Variants in PIEZO2 observed in about 807,000 individuals in gnomAD.
The protein encoded by PIEZO2 is piezo-type mechanosensitive ion channel component 2.
Under a neutral mutation model 337.3 loss-of-function variants are expected in PIEZO2, and 172 were observed. That is an observed-to-expected ratio of 0.51 (90% CI 0.45 to 0.58). The LOEUF (loss-of-function observed/expected upper bound fraction) is 0.58, where lower values mean the gene tolerates loss of function less well. Among genes scored for constraint, PIEZO2 ranks in the 20% least tolerant of loss-of-function variants. The pLI is 0.00. For synonymous variants in PIEZO2, 1,251 were observed against 1,228.5 expected (o/e 1.02, Z -0.38); for missense variants, 3,028 against 3,391.3 (o/e 0.89, Z 2.66).
Position 10,672,054 on chromosome 18 carries a change from T to C in PIEZO2, c.8346-275A>G, listed in dbSNP as rs965772488. 1.3e-4 allele frequency among the ~76,000 whole-genome samples: 20 copies of C among 152,220 alleles called. No homozygotes were observed. The highest frequency in any genetic ancestry group is 4.8e-4 in the African/African-American group (20 of 41,460). On this transcript the variant is annotated intron_variant, in intron 55 of 55. Transcript: ENST00000674853. The surrounding 1 kb of genome is among the most constrained non-coding windows in gnomAD (Gnocchi z 4.7). ...TCTGTAAATAATCAATGCTAACCGT[T>C]TCATGTATGAACTTTAGGTGGTTTT...
At chr18:10,896,596 G>A (rs1291805763) in intron 4 of PIEZO2, among the ~76,000 whole-genome samples, 3 of 152,198 alleles carry the variant, frequency 2.0e-5, no homozygotes, top group Admixed American at 2.0e-4. Flanking sequence ...TCAATAAACA[G>A]CATCTGGAAG....
In PIEZO2 at chr18:11,104,824, T is replaced by A. The variant is rs921107431; in HGVS notation, c.65-38602A>T. On this transcript the variant is annotated intron_variant, in intron 1 of 55. Transcript: ENST00000674853. The surrounding 1 kb of genome is among the most constrained non-coding windows in gnomAD (Gnocchi z 4.6). ...TCTTGGGGACCACTCTCCTCCATCA[T>A]GCTTGATATGGTCCAGGAGTGGTTG... 6.6e-6 allele frequency among the ~76,000 whole-genome samples: 1 copy of A among 152,122 alleles called. No homozygotes were observed. Among genetic ancestry groups the A allele is most frequent in the Non-Finnish European group, 1.5e-5 (1 of 68,024 alleles).
Position 10,856,665 on chromosome 18 carries a change from A to G in PIEZO2, c.703+336T>C, listed in dbSNP as rs113213644. On this transcript the variant is annotated intron_variant, in intron 6 of 55. Coordinates refer to ENST00000674853, the MANE Select transcript of PIEZO2 (RefSeq NM_001378183.1). The surrounding 1 kb of genome is among the most constrained non-coding windows in gnomAD (Gnocchi z 4.7). ...TATGGCTTGTGATGGGTGCATGCAC[A>G]TTGTTAATTGCAGCAGGTCACCATT... Among the ~76,000 whole-genome samples the G allele has an allele frequency of 4.0e-4, 61 of 152,302 alleles. 1 individual carries two copies. Among genetic ancestry groups the G allele is most frequent in the African/African-American group, 1.5e-3 (61 of 41,572 alleles).
At chr18:10,814,178 C>A (rs1017056938) in intron 7 of PIEZO2, among the ~76,000 whole-genome samples, 1 of 151,958 alleles carries the variant, frequency 6.6e-6, no homozygotes, top group Non-Finnish European at 1.5e-5. Flanking sequence ...ACTGTGTTAG[C>A]CAGGATGGTC....
At chr18:10,896,521 C>G (rs946725909) in intron 4 of PIEZO2, among the ~76,000 whole-genome samples, 4 of 152,198 alleles carry the variant, frequency 2.6e-5, no homozygotes, top group Non-Finnish European at 5.9e-5. Flanking sequence ...GAGAAGTTTT[C>G]AAACCCAAAC....
rs1413319242 is a variant in PIEZO2, at chr18:10,894,215, G to C, written c.329+16971C>G. On this transcript the variant is annotated intron_variant, in intron 4 of 55. Coordinates refer to ENST00000674853, the MANE Select transcript of PIEZO2 (RefSeq NM_001378183.1). The surrounding 1 kb of genome is among the most constrained non-coding windows in gnomAD (Gnocchi z 4.1). ...CACCTGTAATCCCAGCACTCTGGAA[G>C]GCCGATGGGGGCGGATCACCTGAGG... 6.6e-6 allele frequency among the ~76,000 whole-genome samples: 1 copy of C among 152,134 alleles called. No homozygotes were observed. Among genetic ancestry groups the C allele is most frequent in the Non-Finnish European group, 1.5e-5 (1 of 68,026 alleles).
At chr18:11,093,217 G>A (rs2039150806) in intron 1 of PIEZO2, among the ~76,000 whole-genome samples, 1 of 152,120 alleles carries the variant, frequency 6.6e-6, no homozygotes, top group African/African-American at 2.4e-5. Context: ...CCTGGGTAAA[G>A]CGGAGCCAGC....
At position 11,125,588 on chromosome 18, in the gene PIEZO2, C is replaced by G. The variant is rs1184178370; in HGVS notation, c.64+22937G>C. 6.6e-6 allele frequency among the ~76,000 whole-genome samples: 1 copy of G among 152,104 alleles called. No individual in the cohort carries two copies. The highest frequency in any genetic ancestry group is 6.5e-5 in the Admixed American group (1 of 15,274). ...ACACTCCATTCCAAATAAAGATTAC[C>G]CTGCAGAGAAGAGCATCCTGGTTTT... On this transcript the variant is annotated intron_variant, in intron 1 of 55. Transcript: ENST00000674853. This position sits in a 1 kb window ranked among gnomAD's most constrained non-coding sequence, Gnocchi z 4.4.
At chr18:11,106,880 G>C (rs2039584727) in intron 1 of PIEZO2, among the ~76,000 whole-genome samples, 1 of 152,204 alleles carries the variant, frequency 6.6e-6, no homozygotes, top group Admixed American at 6.5e-5. Context: ...CACTGCTCTG[G>C]AGCTTGCCAC....
chr18:10,705,503 G>A lies in PIEZO2; in HGVS notation c.5832C>T (p.Tyr1944=), dbSNP rs2035542325. ...GATGCTCGAAGCTCACAGCCTTGCT[G>A]TAGGAGGGTGGGGCCTCCACATCCC... ...LDGDVEAPPS[Y]SKAVSFEHLS... is the part of the protein sequence containing the mutation. The change falls in exon 41 of 56, where the codon TAC becomes TAT. Residue 1944 remains tyrosine (Y), a synonymous_variant. Transcript: ENST00000674853. 6.5e-7 allele frequency: 1 copy of A among 1,537,246 alleles called. No individual in the cohort carries two copies.
rs999326894 is a variant in PIEZO2 at position 11,127,117 on chromosome 18, T to C, written c.64+21408A>G. Among the ~76,000 whole-genome samples the C allele has an allele frequency of 6.6e-6, 1 of 151,962 alleles. No individual in the cohort carries two copies. Among genetic ancestry groups the C allele is most frequent in the African/African-American group, 2.4e-5 (1 of 41,336 alleles). On this transcript the variant is annotated intron_variant, in intron 1 of 55. Transcript: ENST00000674853. The surrounding 1 kb of genome is among the most constrained non-coding windows in gnomAD (Gnocchi z 4.5). ...AACCAAACTCACTAACATGAAAGAA[T>C]TGAGACAGAGTAAGTCCTGTGGAGA...
intron 1 of PIEZO2, among the ~76,000 whole-genome samples, chr18:11,147,229 C>T (rs1409130470): frequency 1.3e-5 from 2 of 152,144 alleles, no homozygotes; most frequent in East Asian, 3.9e-4. Context: ...AAAATGGAAA[C>T]TCAAACTGCA....
chr18:11,043,150 G>T (rs1458720327), intron 2 of PIEZO2, among the ~76,000 whole-genome samples: 2 of 151,954 alleles, frequency 1.3e-5, no homozygotes, highest in Non-Finnish European at 2.9e-5. Context: ...TTAAATTGAA[G>T]ACTGGAGTCT....
intron 2 of PIEZO2, among the ~76,000 whole-genome samples, chr18:10,995,810 T>C (rs1435589762): frequency 1.3e-5 from 2 of 152,142 alleles, no homozygotes; most frequent in East Asian, 3.9e-4. Context: ...GCTGATTCTC[T>C]GCTTGCCCTG....
rs536004728 is a variant in PIEZO2 at position 11,042,135 on chromosome 18, A to G, written c.160+23992T>C. 4.9e-4 allele frequency among the ~76,000 whole-genome samples: 75 copies of G among 152,362 alleles called. 1 individual carries two copies. The South Asian group carries it at 0.015, about 31-fold the overall frequency. On this transcript the variant is annotated intron_variant, in intron 2 of 55. Coordinates refer to ENST00000674853, the MANE Select transcript of PIEZO2 (RefSeq NM_001378183.1). ...AGTCATCTCCTCTAAGGATGATCAAATATACTTTCATTGAGGTCACACAAG... is the reference window on the plus strand; with the variant it reads ...AGTCATCTCCTCTAAGGATGATCAAGTATACTTTCATTGAGGTCACACAAG...
intron 47 of PIEZO2, among the ~76,000 whole-genome samples, chr18:10,694,820 G>C (rs57844053): frequency 0.031 from 4,751 of 151,504 alleles, 241 homozygotes; most frequent in African/African-American, 0.11. Context: ...GGGTGATGGA[G>C]TGAGATTTTG....
At chr18:10,997,469 A>G (rs917519128) in intron 2 of PIEZO2, among the ~76,000 whole-genome samples, 2 of 152,196 alleles carry the variant, frequency 1.3e-5, no homozygotes, top group Admixed American at 1.3e-4. Context: ...GTTATTAGAA[A>G]ATGATTTTAA....
chr18:10,754,946 G>A (rs558984345), intron 27 of PIEZO2, among the ~76,000 whole-genome samples: 1 of 152,226 alleles, frequency 6.6e-6, no homozygotes, highest in East Asian at 1.9e-4. Flanking sequence ...TGACCTCCTT[G>A]GGCTGGGGTA....
chr18:10,827,363 T>C (rs2040705693), intron 7 of PIEZO2, among the ~76,000 whole-genome samples: 1 of 152,230 alleles, frequency 6.6e-6, no homozygotes, highest in Admixed American at 6.5e-5. Flanking sequence ...ATTTCTATAG[T>C]AACTACAAAG....
Sources: gnomAD v4.1 joint callset for allele counts (sites outside exome capture counted in the v4.1 genomes callset) on GRCh38, gnomAD v4.1.1 for gene constraint, Gnocchi (gnomAD v3.1) non-coding constraint, MANE v1.5 for transcripts, NCBI Gene and HGNC (gene_info 2026-07-23, HGNC 2026-07-21) for gene names.